Variants in CNTN3 observed in about 807,000 individuals in gnomAD.
The protein encoded by CNTN3 is contactin 3, also known as contactin-3.
CNTN3 carries 60 observed loss-of-function variants against 119.1 expected under a neutral mutation model. The ratio of observed to expected loss-of-function variants is 0.50; its 90% CI spans 0.41 to 0.62. The LOEUF (loss-of-function observed/expected upper bound fraction) is 0.62, where lower values mean the gene tolerates loss of function less well. Ranked by LOEUF, CNTN3 falls within the 20% of genes least tolerant of loss-of-function variation. The pLI, the probability that CNTN3 is intolerant of heterozygous loss-of-function variation, is 0.00. For synonymous variants in CNTN3, 450 were observed against 438.7 expected (o/e 1.03, Z -0.32); for missense variants, 1,101 against 1,242.4 (o/e 0.89, Z 1.71).
intron 1 of CNTN3, among the ~76,000 whole-genome samples, chr3:74,564,965 A>G (rs768805673): frequency 3.0e-4 from 45 of 152,170 alleles, no homozygotes; most frequent in Non-Finnish European, 4.9e-4. Context: ...GAGCTATGCT[A>G]CCAAGTGAGC....
rs140717445 is a variant in CNTN3, at chr3:74,267,276, G to T, written c.2807C>A (p.Thr936Lys). The T allele has an allele frequency of 8.2e-5, 131 of 1,606,720 alleles. No individual in the cohort carries two copies. In the African/African-American group the frequency reaches 1.5e-3, roughly 18 times the overall value. ...AATGAGAAAACTTACTTTATATCCT[G>T]TTACTTCTGACTCATTCTCCATGGC... is the stretch of plus-strand genomic sequence containing the variant. ...VKAMENESEV[T>K]GYKVFYRTSS... Residue 936 changes from threonine to lysine, a missense_variant, in exon 21 of 23, where the codon ACA becomes AAA. Thr to Lys is a moderately conservative substitution (Grantham distance 78, BLOSUM62 -1). Transcript: ENST00000263665.
intron 1 of CNTN3, among the ~76,000 whole-genome samples, chr3:74,551,591 T>C (rs1175551952): frequency 6.6e-6 from 1 of 152,020 alleles, no homozygotes; most frequent in Non-Finnish European, 1.5e-5. Flanking sequence ...ATCGTTTCAC[T>C]GCCCTAAAAA....
chr3:74,269,659 T>G (rs937944159), intron 20 of CNTN3, among the ~76,000 whole-genome samples: 2 of 152,200 alleles, frequency 1.3e-5, no homozygotes, highest in Non-Finnish European at 2.9e-5. Context: ...GGCATTTACC[T>G]ATAATGAAAT....
chr3:74,537,115 T>C (rs1203108927), intron 1 of CNTN3, among the ~76,000 whole-genome samples: 2 of 151,968 alleles, frequency 1.3e-5, no homozygotes, highest in Admixed American at 6.6e-5. Context: ...AATAGTACAA[T>C]AGATAACATT....
chr3:74,451,331 C>A (rs1702149975), intron 4 of CNTN3, among the ~76,000 whole-genome samples: 1 of 152,164 alleles, frequency 6.6e-6, no homozygotes, highest in African/African-American at 2.4e-5. Flanking sequence ...AGTGTCTGTT[C>A]ATGTCCATTG....
intron 4 of CNTN3, among the ~76,000 whole-genome samples, chr3:74,479,614 G>T (rs964367369): frequency 2.0e-5 from 3 of 151,914 alleles, no homozygotes; most frequent in African/African-American, 7.3e-5. Flanking sequence ...TCCTTTTTTA[G>T]GACATGGAGG....
chr3:74,545,706 A>T (rs1703904257), intron 1 of CNTN3, among the ~76,000 whole-genome samples: 2 of 152,188 alleles, frequency 1.3e-5, no homozygotes. Flanking sequence ...GGGTACCCAG[A>T]TATTCAGTGA....
chr3:74,342,072 A>C (rs1575738594), intron 11 of CNTN3, among the ~76,000 whole-genome samples: 1 of 152,298 alleles, frequency 6.6e-6, no homozygotes, highest in East Asian at 1.9e-4. Context: ...ATGGATGCTT[A>C]CATTACATGT....
intron 4 of CNTN3, among the ~76,000 whole-genome samples, chr3:74,475,048 T>A (rs1369810575): frequency 6.6e-6 from 1 of 152,130 alleles, no homozygotes. Flanking sequence ...CAATCAGAAC[T>A]TTTTTACTTA....
intron 5 of CNTN3, among the ~76,000 whole-genome samples, chr3:74,384,110 G>A (rs1704688327): frequency 6.6e-6 from 1 of 152,136 alleles, no homozygotes; most frequent in Non-Finnish European, 1.5e-5. Context: ...CTAGGCTGTA[G>A]TAAAGTTTAC....
intron 1 of CNTN3, among the ~76,000 whole-genome samples, chr3:74,568,119 G>A (rs1163776363): frequency 6.6e-6 from 1 of 151,968 alleles, no homozygotes; most frequent in Admixed American, 6.6e-5. Context: ...ATTCCCAGTG[G>A]GTCCAATTCT....
At chr3:74,569,239 C>T (rs1454864005) in intron 1 of CNTN3, among the ~76,000 whole-genome samples, 2 of 152,246 alleles carry the variant, frequency 1.3e-5, no homozygotes, top group East Asian at 1.9e-4. Flanking sequence ...ACTGTCTCAC[C>T]TTCACAAGCA....
At chr3:74,319,642 C>T (rs1702931454) in intron 13 of CNTN3, among the ~76,000 whole-genome samples, 1 of 151,630 alleles carries the variant, frequency 6.6e-6, no homozygotes, top group South Asian at 2.1e-4. Flanking sequence ...AAAACAATGG[C>T]AACAAAAGCC....
At chr3:74,331,884 A>T (rs1488104746) in intron 13 of CNTN3, among the ~76,000 whole-genome samples, 1 of 152,162 alleles carries the variant, frequency 6.6e-6, no homozygotes, top group South Asian at 2.1e-4. Flanking sequence ...TCAAATCTAT[A>T]CAGTAGATCT....
intron 1 of CNTN3, among the ~76,000 whole-genome samples, chr3:74,527,340 C>T (rs1457554953): frequency 6.6e-6 from 1 of 151,858 alleles, no homozygotes. Flanking sequence ...TTCTGGTCTT[C>T]TAGCAATCAC....
intron 1 of CNTN3, among the ~76,000 whole-genome samples, chr3:74,522,536 A>C (rs1369538679): frequency 1.3e-5 from 2 of 151,920 alleles, no homozygotes; most frequent in African/African-American, 2.4e-5. Context: ...GGACAAAAAC[A>C]GACAGGATGG....
intron 20 of CNTN3, among the ~76,000 whole-genome samples, chr3:74,273,948 G>A (rs532394768): frequency 3.3e-5 from 5 of 152,200 alleles, no homozygotes; most frequent in South Asian, 2.1e-4. Context: ...GCCTGGAAAC[G>A]GACTTTTTTG....
At chr3:74,264,831 C>T (rs903466087) in intron 22 of CNTN3, among the ~76,000 whole-genome samples, 2 of 152,116 alleles carry the variant, frequency 1.3e-5, no homozygotes, top group Non-Finnish European at 2.9e-5. Flanking sequence ...CAAATCACTA[C>T]GTGAACCTAT....
intron 11 of CNTN3, 147 bp downstream of exon 11, chr3:74,361,743 G>T: frequency 1.3e-6 from 1 of 773,934 alleles, no homozygotes; most frequent in Non-Finnish European, 1.9e-6. Flanking sequence ...AGGTATTAAA[G>T]AACAAAAATA....
Sources: allele counts gnomAD v4.1 joint callset (sites outside exome capture counted in the v4.1 genomes callset), GRCh38; gene constraint gnomAD v4.1.1; transcripts MANE v1.5; gene names NCBI Gene and HGNC (gene_info 2026-07-23, HGNC 2026-07-21).